Variants in FKBP11 observed in about 807,000 individuals in gnomAD.
FKBP11 encodes FKBP prolyl isomerase 11.
A neutral mutation model predicts 24.7 loss-of-function variants in FKBP11; 21 were observed. The ratio of observed to expected loss-of-function variants is 0.85; its 90% CI spans 0.60 to 1.23. The LOEUF (loss-of-function observed/expected upper bound fraction) is 1.23. FKBP11 is among the 50% of genes most tolerant of loss of function. The pLI is 0.00. For missense variants in FKBP11, 245 were observed against 248.7 expected, an observed-to-expected ratio of 0.99 and a Z score of 0.10; for synonymous variants, 106 against 100.6, an observed-to-expected ratio of 1.05 and a Z score of -0.32.
chr12:48,928,414 G>A (rs112053338), upstream of FKBP11, among the ~76,000 whole-genome samples: 6,459 of 151,248 alleles, frequency 0.043, 205 homozygotes, highest in Non-Finnish European at 0.061. Context: ...GTATGATCTC[G>A]GCTCACTGCA....
upstream of FKBP11, among the ~76,000 whole-genome samples, chr12:48,926,973 C>G (rs1296976460): frequency 6.6e-6 from 1 of 152,196 alleles, no homozygotes; most frequent in African/African-American, 2.4e-5. Context: ...CCACGCCTGG[C>G]TAATTTTTGT....
chr12:48,924,860 C>A, intron 2 of FKBP11, 186 bp downstream of exon 2: 1 of 1,443,144 alleles, frequency 6.9e-7, no homozygotes, highest in Non-Finnish European at 9.1e-7. Context: ...TAGGAACTGG[C>A]AGAAAAGCAA....
chr12:48,932,115 A>G, the FKBP11 span, among the ~76,000 whole-genome samples: 3 of 149,548 alleles, frequency 2.0e-5, no homozygotes, highest in Admixed American at 2.0e-4. Flanking sequence ...GTTTGAAACC[A>G]GCTTGGGCAA....
At chr12:48,929,221 G>A (rs1940018857), upstream of FKBP11, among the ~76,000 whole-genome samples, 1 of 152,158 alleles carries the variant, frequency 6.6e-6, no homozygotes, top group African/African-American at 2.4e-5. Context: ...GCTGAGGCAG[G>A]AGGATTGCTT....
At chr12:48,931,504 G>A in the FKBP11 span, 47 of 1,527,396 alleles carry the variant, frequency 3.1e-5, no homozygotes, top group Admixed American at 9.8e-5. Context: ...AGAGAAAGGT[G>A]AGATGATTCT....
chr12:48,928,893 G>A (rs1179742523), upstream of FKBP11, among the ~76,000 whole-genome samples: 1 of 142,912 alleles, frequency 7.0e-6, no homozygotes, highest in Non-Finnish European at 1.5e-5. Flanking sequence ...TGCAATCTCG[G>A]CTCACTGCAA....
In FKBP11 at chr12:48,925,283, C is replaced by T. The variant is rs1939938191; in HGVS notation, c.129+17G>A. On this transcript the variant is annotated intron_variant, in intron 1 of 5. Transcript: ENST00000550765. ...GGCTCGGCCCACGGGGGCTGAGGGT[C>T]GGGACTATCTCCTCACCAGGGTCTC... 3.7e-6 allele frequency: 6 copies of T among 1,610,854 alleles called. No homozygotes were observed. In the East Asian group the frequency reaches 1.3e-4, roughly 36 times the overall value.
At chr12:48,931,237 A>G (rs183276416), upstream of FKBP11, among the ~76,000 whole-genome samples, 125 of 151,520 alleles carry the variant, frequency 8.2e-4, no homozygotes, top group Admixed American at 8.1e-3. Flanking sequence ...AGGATGACAC[A>G]GCATACTGCA....
In FKBP11 at chr12:48,925,304, G is replaced by T. The variant is rs1179090491; in HGVS notation, c.125C>A (p.Thr42Asn). The T allele has an allele frequency of 6.2e-7, 1 of 1,612,168 alleles. No homozygotes were observed. The highest frequency in any genetic ancestry group is 1.1e-5 in the South Asian group (1 of 90,406). The change falls in exon 1 of 6, where the codon ACC becomes AAC. Residue 42 changes from threonine to asparagine, a missense_variant. Physicochemically the swap from Thr to Asn is moderately conservative, Grantham distance 65 (BLOSUM62 0). Coordinates refer to ENST00000550765, the MANE Select transcript of FKBP11 (RefSeq NM_016594.3). ...GGGTCGGGACTATCTCCTCACCAGG[G>T]TCTCCACTTGGAGGGTCCGGACGGG... ...ESPVRTLQVE[T>N]LVEPPEPCAE...
the FKBP11 span, chr12:48,938,728 T>C: frequency 8.2e-6 from 5 of 606,900 alleles, no homozygotes; most frequent in South Asian, 4.0e-5. Flanking sequence ...ATCCAGTAAA[T>C]TGGAATGACT....
chr12:48,934,718 G>A, the FKBP11 span, among the ~76,000 whole-genome samples: 1 of 152,108 alleles, frequency 6.6e-6, no homozygotes, highest in Non-Finnish European at 1.5e-5. Context: ...TGCTAATATA[G>A]AAATAAAACA....
At chr12:48,927,909 C>T (rs1939999567), upstream of FKBP11, among the ~76,000 whole-genome samples, 1 of 151,886 alleles carries the variant, frequency 6.6e-6, no homozygotes, top group Non-Finnish European at 1.5e-5. Context: ...TCAGTTCTAT[C>T]TGAAGCCCCA....
In FKBP11 at chr12:48,925,369, C is replaced by A. The variant is rs762924188; in HGVS notation, c.60G>T (p.Ala20=). The A allele has an allele frequency of 3.1e-6, 5 of 1,604,860 alleles. No homozygotes were observed. Among genetic ancestry groups the A allele is most frequent in the Non-Finnish European group, 4.2e-6 (5 of 1,176,724 alleles). Residue 20 remains alanine, a synonymous_variant, in exon 1 of 6, where the codon GCG becomes GCT. Coordinates refer to ENST00000550765, the MANE Select transcript of FKBP11 (RefSeq NM_016594.3). ...LHLLLLLLLS[A]AVCRAEAGLE... ...GCCCAGCCTCAGCCCGGCACACCGC[C>A]GCACTGAGCAGCAGCAGCAGCAGCA...
At chr12:48,922,660 T>C in intron 5 of FKBP11, 2 of 992,404 alleles carry the variant, frequency 2.0e-6, no homozygotes, top group Non-Finnish European at 2.4e-6. Context: ...AGTTTCAACA[T>C]AAGAGCTGAA....
intron 5 of FKBP11, chr12:48,922,610 C>T: frequency 1.0e-6 from 1 of 996,764 alleles, no homozygotes; most frequent in South Asian, 4.4e-5. Flanking sequence ...AAAAATCAAC[C>T]AACCAATGAG....
At chr12:48,929,860 T>G (rs940874512), upstream of FKBP11, among the ~76,000 whole-genome samples, 1 of 152,220 alleles carries the variant, frequency 6.6e-6, no homozygotes, top group East Asian at 1.9e-4. Context: ...ATACACTTCT[T>G]TTACCTGTCA....
chr12:48,925,620 T>C (rs140839248), upstream of FKBP11: 248 of 675,864 alleles, frequency 3.7e-4, no homozygotes, highest in Admixed American at 9.1e-4. Context: ...AGGGGCGCCC[T>C]CTGTACCCTC....
chr12:48,929,318 T>TGCAC (rs1940019766), upstream of FKBP11, among the ~76,000 whole-genome samples: 1 of 152,058 alleles, frequency 6.6e-6, no homozygotes, highest in Non-Finnish European at 1.5e-5. Context: ...TATGGTGGTG[T>TGCAC]GCACCTGTGG....
chr12:48,923,916 C>G (rs1169054583), intron 4 of FKBP11, 64 bp from the exon 5 acceptor site: 3 of 1,497,916 alleles, frequency 2.0e-6, no homozygotes, highest in Non-Finnish European at 2.8e-6. Flanking sequence ...CTCAGTCCAG[C>G]TGAAGCTCCT....
Sources: gnomAD v4.1 joint callset for allele counts (sites outside exome capture counted in the v4.1 genomes callset) on GRCh38, gnomAD v4.1.1 for gene constraint, MANE v1.5 for transcripts, NCBI Gene and HGNC (gene_info 2026-07-23, HGNC 2026-07-21) for gene names.